The following HS3ST5 variants were observed in gnomAD, a reference collection of about 807,000 sequenced individuals.
The protein encoded by HS3ST5 is heparan sulfate glucosamine 3-O-sulfotransferase 5.
HS3ST5 carries 10 observed loss-of-function variants against 25.4 expected under a neutral mutation model. The observed-to-expected ratio is 0.39, with a 90% CI of 0.24 to 0.67. The LOEUF (loss-of-function observed/expected upper bound fraction) is 0.67. HS3ST5 is among the 30% of genes least tolerant of loss of function. The pLI is 0.44. For missense variants in HS3ST5, 324 were observed against 420.7 expected, an observed-to-expected ratio of 0.77 and a Z score of 2.01; for synonymous variants, 170 against 162.4, an observed-to-expected ratio of 1.05 and a Z score of -0.36.
chr6:114,206,533 A>G (rs1781283441), intron 2 of HS3ST5, among the ~76,000 whole-genome samples: 1 of 152,156 alleles, frequency 6.6e-6, no homozygotes, highest in Admixed American at 6.6e-5. Context: ...CTGGCCCCAG[A>G]TTGGCCACTT....
intron 1 of HS3ST5, among the ~76,000 whole-genome samples, chr6:114,309,558 C>T (rs769321113): frequency 6.6e-6 from 1 of 152,080 alleles, no homozygotes; most frequent in Non-Finnish European, 1.5e-5. Context: ...TATGGAGAAA[C>T]CCTATCTCTA....
At chr6:114,133,577 G>T (rs1251048674) in intron 3 of HS3ST5, among the ~76,000 whole-genome samples, 1 of 152,158 alleles carries the variant, frequency 6.6e-6, no homozygotes, top group Non-Finnish European at 1.5e-5. Context: ...ATATGCCACT[G>T]GGAAAGATAT....
intron 1 of HS3ST5, among the ~76,000 whole-genome samples, chr6:114,328,313 C>G (rs1776254873): frequency 6.6e-6 from 1 of 152,020 alleles, no homozygotes; most frequent in Non-Finnish European, 1.5e-5. Flanking sequence ...TCAGAAATTA[C>G]TTATTTACAG....
At chr6:114,173,953 A>G (rs184510281) in intron 2 of HS3ST5, among the ~76,000 whole-genome samples, 2 of 152,280 alleles carry the variant, frequency 1.3e-5, no homozygotes, top group Non-Finnish European at 2.9e-5. Context: ...GACTCTGCCT[A>G]TTGGAAATCT....
At chr6:114,174,488 A>C (rs975900760) in intron 2 of HS3ST5, among the ~76,000 whole-genome samples, 2 of 152,176 alleles carry the variant, frequency 1.3e-5, no homozygotes, top group Non-Finnish European at 2.9e-5. Flanking sequence ...AAAAAGATTA[A>C]TGAATCATTT....
chr6:114,313,963 T>C (rs1775645297), intron 1 of HS3ST5, among the ~76,000 whole-genome samples: 1 of 152,170 alleles, frequency 6.6e-6, no homozygotes, highest in African/African-American at 2.4e-5. Flanking sequence ...TCTCACTCTG[T>C]TGCCCTGGCT....
At chr6:114,104,372 G>A (rs1422710489) in intron 3 of HS3ST5, among the ~76,000 whole-genome samples, 1 of 152,186 alleles carries the variant, frequency 6.6e-6, no homozygotes. Context: ...GTTTATATCA[G>A]TGGTGCTTGG....
chr6:114,224,699 TAC>T (rs71272382), intron 2 of HS3ST5, among the ~76,000 whole-genome samples: 2 of 144,332 alleles, frequency 1.4e-5, no homozygotes, highest in South Asian at 2.2e-4. Flanking sequence ...TATATATATA[TAC>T]ACACACACAC....
intron 3 of HS3ST5, among the ~76,000 whole-genome samples, chr6:114,078,673 C>T (rs1175179110): frequency 1.3e-5 from 2 of 152,188 alleles, no homozygotes; most frequent in African/African-American, 4.8e-5. Context: ...CCCCAGTCTA[C>T]CTAGCACCTA....
At chr6:114,330,337 C>T (rs1222743804) in intron 1 of HS3ST5, among the ~76,000 whole-genome samples, 1 of 152,146 alleles carries the variant, frequency 6.6e-6, no homozygotes. Context: ...GCTGAACTGT[C>T]TTTTGTATCA....
chr6:114,117,837 A>T (rs1776606237), intron 3 of HS3ST5, among the ~76,000 whole-genome samples: 1 of 152,110 alleles, frequency 6.6e-6, no homozygotes, highest in Non-Finnish European at 1.5e-5. Flanking sequence ...TCCCTCAAAT[A>T]TTCACTCCCT....
At chr6:114,272,956 C>A (rs1026190203) in intron 1 of HS3ST5, among the ~76,000 whole-genome samples, 1 of 152,034 alleles carries the variant, frequency 6.6e-6, no homozygotes, top group African/African-American at 2.4e-5. Context: ...ATGACAGCAG[C>A]CTTGCAAGTC....
At chr6:114,314,859 C>T (rs1302358123) in intron 1 of HS3ST5, among the ~76,000 whole-genome samples, 1 of 152,066 alleles carries the variant, frequency 6.6e-6, no homozygotes, top group East Asian at 1.9e-4. Flanking sequence ...TAAGACTTGG[C>T]ATAAATATTA....
intron 1 of HS3ST5, among the ~76,000 whole-genome samples, chr6:114,261,349 C>A (rs190330350): frequency 3.9e-5 from 6 of 152,044 alleles, no homozygotes; most frequent in Admixed American, 3.9e-4. Context: ...TACAATCACA[C>A]AAATAGAAGA....
intron 1 of HS3ST5, among the ~76,000 whole-genome samples, chr6:114,292,608 T>C (rs2114779447): frequency 6.6e-6 from 1 of 152,308 alleles, no homozygotes; most frequent in Middle Eastern, 3.4e-3. Context: ...TACATTCAAG[T>C]GCCAGAGTCA....
At chr6:114,161,574 TAA>T (rs1554214781) in intron 3 of HS3ST5, among the ~76,000 whole-genome samples, 10 of 102,410 alleles carry the variant, frequency 9.8e-5, no homozygotes, top group South Asian at 6.3e-4. Context: ...TATATATATA[TAA>T]AATGCAATGG....
chr6:114,067,315 T>A (rs1170576488), intron 3 of HS3ST5, among the ~76,000 whole-genome samples: 2 of 152,166 alleles, frequency 1.3e-5, no homozygotes, highest in Admixed American at 1.3e-4. Context: ...GGCTTTTGCA[T>A]GTAGGGGTGA....
intron 1 of HS3ST5, among the ~76,000 whole-genome samples, chr6:114,309,068 CAG>C (rs1162477214): frequency 6.6e-6 from 1 of 152,128 alleles, no homozygotes; most frequent in Non-Finnish European, 1.5e-5. Flanking sequence ...ATATAAAATA[CAG>C]AGTCACACTT....
In HS3ST5 at chr6:114,088,761, AATAT is replaced by A. The variant is rs1218820016; in HGVS notation, c.-32-25888_-32-25885del. On this transcript the variant is annotated intron_variant, in intron 3 of 4. Coordinates refer to ENST00000312719, the MANE Select transcript of HS3ST5 (RefSeq NM_153612.4). The stretch of plus-strand genomic sequence containing the variant: ...ATATATATACATATTCATGTATGTA[AATAT>A]ATATACAGACTCAACATTTCATAAT... Among the ~76,000 whole-genome samples the A allele has an allele frequency of 3.9e-5, 6 of 152,178 alleles. No homozygotes were observed. In the South Asian group the frequency reaches 6.2e-4, roughly 16 times the overall value.
Sources: gnomAD v4.1 joint callset for allele counts (sites outside exome capture counted in the v4.1 genomes callset) on GRCh38, gnomAD v4.1.1 for gene constraint, MANE v1.5 for transcripts, NCBI Gene and HGNC (gene_info 2026-07-23, HGNC 2026-07-21) for gene names.